PDZRN4: variants seen among roughly 807,000 people sequenced by gnomAD.
PDZRN4 encodes the protein PDZ domain-containing RING finger protein 4.
In PDZRN4, 70 loss-of-function variants were observed where a neutral mutation model predicts 99.0. The ratio of observed to expected loss-of-function variants is 0.71; its 90% CI spans 0.58 to 0.86. The LOEUF (loss-of-function observed/expected upper bound fraction) is 0.86, where lower values mean the gene tolerates loss of function less well. PDZRN4 is among the 40% of genes least tolerant of loss of function. The pLI is 0.00. For missense variants in PDZRN4, 1,474 were observed against 1,331.2 expected (o/e 1.11, Z -1.67); for synonymous variants, 551 against 501.6 (o/e 1.10, Z -1.32).
intron 8 of PDZRN4, 67 bp downstream of exon 8, chr12:41,563,716 C>T (rs958819292): frequency 1.2e-5 from 12 of 1,028,212 alleles, no homozygotes; most frequent in South Asian, 2.8e-5. Flanking sequence ...AATGTAAATT[C>T]GTGAATGAAT....
intron 3 of PDZRN4, among the ~76,000 whole-genome samples, chr12:41,414,051 T>G (rs894291599): frequency 1.3e-5 from 2 of 152,144 alleles, no homozygotes; most frequent in African/African-American, 4.8e-5. Context: ...GAAAAAAAAT[T>G]TATTTCTCCA....
At chr12:41,225,434 T>C (rs1380777469) in intron 3 of PDZRN4, among the ~76,000 whole-genome samples, 3 of 93,420 alleles carry the variant, frequency 3.2e-5, no homozygotes, top group Non-Finnish European at 7.6e-5. Context: ...TATTACACTG[T>C]GTTTTTTTTT....
At chr12:41,342,170 C>T (rs988408374) in intron 3 of PDZRN4, among the ~76,000 whole-genome samples, 1 of 151,826 alleles carries the variant, frequency 6.6e-6, no homozygotes, top group Non-Finnish European at 1.5e-5. Context: ...TACTCAGCCC[C>T]TACGTCTCAC....
At chr12:41,336,650 C>T (rs1036321870) in intron 3 of PDZRN4, among the ~76,000 whole-genome samples, 1 of 151,936 alleles carries the variant, frequency 6.6e-6, no homozygotes, top group Non-Finnish European at 1.5e-5. Flanking sequence ...GTGTGGGAGA[C>T]CGGAGTTTTA....
At chr12:41,304,141 G>T (rs1056724227) in intron 3 of PDZRN4, among the ~76,000 whole-genome samples, 1 of 152,172 alleles carries the variant, frequency 6.6e-6, no homozygotes, top group Admixed American at 6.5e-5. Context: ...CATTCTGGTG[G>T]CATATAGTCT....
chr12:41,564,629 T>C (rs60932152), intron 8 of PDZRN4, among the ~76,000 whole-genome samples: 4,647 of 152,190 alleles, frequency 0.031, 152 homozygotes, highest in African/African-American at 0.077. Context: ...CTGCATATAT[T>C]TCGTTTATGC....
chr12:41,338,154 A>G (rs1467746811), intron 3 of PDZRN4, among the ~76,000 whole-genome samples: 2 of 152,156 alleles, frequency 1.3e-5, no homozygotes, highest in Non-Finnish European at 2.9e-5. Flanking sequence ...TATCTTGTCT[A>G]TATCTAAGTA....
At chr12:41,472,566 G>T (rs369088576) in intron 3 of PDZRN4, among the ~76,000 whole-genome samples, 16 of 152,124 alleles carry the variant, frequency 1.1e-4, no homozygotes, top group Non-Finnish European at 1.9e-4. Context: ...ATAGTCTGAT[G>T]TTTGATCTAT....
chr12:41,329,984 A>G (rs1014886277), intron 3 of PDZRN4, among the ~76,000 whole-genome samples: 1 of 152,112 alleles, frequency 6.6e-6, no homozygotes, highest in African/African-American at 2.4e-5. Flanking sequence ...CTGGATTTTG[A>G]TTAGTCTGAG....
intron 7 of PDZRN4, among the ~76,000 whole-genome samples, chr12:41,557,427 G>T (rs991672216): frequency 6.6e-6 from 1 of 152,054 alleles, no homozygotes; most frequent in African/African-American, 2.4e-5. Flanking sequence ...TTTGGAATCC[G>T]AAAACCAGGG....
At chr12:41,456,602 A>G (rs556988343) in intron 3 of PDZRN4, among the ~76,000 whole-genome samples, 92 of 152,320 alleles carry the variant, frequency 6.0e-4, no homozygotes, top group African/African-American at 2.1e-3. Flanking sequence ...GTGTTAGGGA[A>G]TAAGTGTTGA....
rs757151865 is a variant in PDZRN4, at chr12:41,573,720, G to A, written c.2941G>A (p.Gly981Ser). Residue 981 changes from glycine to serine, a missense_variant, in exon 10 of 10, where the codon GGC becomes AGC. Physicochemically the swap from Gly to Ser is moderately conservative, Grantham distance 56. Transcript: ENST00000402685. ...LKESPQSGSE[G>S]KKEINIIELS... Reference sequence around the variant, plus strand: ...GGAGAGCCCTCAGAGCGGCAGTGAGGGCAAGAAGGAGATCAATATCATTGA... The same window carrying A: ...GGAGAGCCCTCAGAGCGGCAGTGAGAGCAAGAAGGAGATCAATATCATTGA... The A allele has an allele frequency of 1.2e-6, 2 of 1,613,810 alleles. No individual in the cohort carries two copies.
At chr12:41,483,179 A>G (rs17129387) in intron 3 of PDZRN4, among the ~76,000 whole-genome samples, 3,713 of 152,158 alleles carry the variant, frequency 0.024, 149 homozygotes, top group African/African-American at 0.086. Flanking sequence ...GAAAGAATAG[A>G]TAGTAGGTGA....
chr12:41,205,269 T>C (rs1464964370), intron 3 of PDZRN4, among the ~76,000 whole-genome samples: 1 of 151,886 alleles, frequency 6.6e-6, no homozygotes, highest in Non-Finnish European at 1.5e-5. Context: ...CTTTGGTCCT[T>C]AGTCCACTCT....
chr12:41,350,568 G>C (rs537513730), intron 3 of PDZRN4, among the ~76,000 whole-genome samples: 223 of 152,142 alleles, frequency 1.5e-3, no homozygotes, highest in African/African-American at 5.0e-3. Flanking sequence ...GGAACAAATA[G>C]AAACGCATTC....
intron 7 of PDZRN4, among the ~76,000 whole-genome samples, chr12:41,559,342 C>T (rs1328999685): frequency 2.0e-5 from 3 of 152,240 alleles, no homozygotes; most frequent in African/African-American, 7.2e-5. Flanking sequence ...CATTCCTTCA[C>T]AGTTCTGTCT....
At chr12:41,216,859 A>C (rs1412576730) in intron 3 of PDZRN4, among the ~76,000 whole-genome samples, 1 of 151,860 alleles carries the variant, frequency 6.6e-6, no homozygotes, top group Non-Finnish European at 1.5e-5. Context: ...TGCTGAGTTA[A>C]ATTAATGTCC....
intron 3 of PDZRN4, 76 bp from the exon 4 acceptor site, chr12:41,506,380 C>A: frequency 7.2e-7 from 1 of 1,382,950 alleles, no homozygotes; most frequent in Non-Finnish European, 9.8e-7. Context: ...ACCTTTCTCT[C>A]TGTCTTTTAT....
At chr12:41,495,410 C>T (rs1466245025) in intron 3 of PDZRN4, among the ~76,000 whole-genome samples, 3 of 151,936 alleles carry the variant, frequency 2.0e-5, no homozygotes, top group Admixed American at 2.0e-4. Flanking sequence ...GAATAGATAC[C>T]GAGGCTGGCT....
Sources: allele counts gnomAD v4.1 joint callset (sites outside exome capture counted in the v4.1 genomes callset), GRCh38; gene constraint gnomAD v4.1.1; transcripts MANE v1.5; gene names NCBI Gene and HGNC (gene_info 2026-07-23, HGNC 2026-07-21).